TACR2: variants seen among roughly 807,000 people sequenced by gnomAD.
TACR2 encodes the protein tachykinin receptor 2, also known as substance-K receptor.
Under a neutral mutation model 28.9 loss-of-function variants are expected in TACR2, and 24 were observed. That is an observed-to-expected ratio of 0.83 (90% CI 0.60 to 1.17). The LOEUF is 1.17. Ranked by LOEUF, TACR2 falls within the 50% of genes most tolerant of loss-of-function variation. The pLI is 0.00. For missense variants in TACR2, 487 were observed against 524.4 expected (o/e 0.93, Z 0.70); for synonymous variants, 222 against 212.6 (o/e 1.04, Z -0.38).
chr10:69,404,993 G>T lies in TACR2; in HGVS notation c.1030C>A (p.Leu344Ile). 1 of 1,614,188 alleles carries T rather than the reference G, an allele frequency of 6.2e-7. No homozygotes were observed. Among genetic ancestry groups the T allele is most frequent in the Non-Finnish European group, 8.5e-7 (1 of 1,180,026 alleles). ...TGACACCTGTTGACTCTCGTGGAGA[G>T]GGAGGTCGTGGGAGTCAGCTCGAGC... Reference protein sequence around the residue: ...DKLELTPTTSLSTRVNRCHTK... With the variant: ...DKLELTPTTSISTRVNRCHTK... Residue 344 changes from leucine to isoleucine, a missense_variant, in exon 5 of 5, where the codon CTC (leucine) becomes ATC (isoleucine). By Grantham distance (5) the Leu-to-Ile change is conservative (BLOSUM62 2). Coordinates refer to ENST00000373306, the MANE Select transcript of TACR2 (RefSeq NM_001057.3).
chr10:69,408,916 GC>G lies in TACR2; in HGVS notation c.741+5del. 1 of 1,328,052 alleles carries G rather than the reference GC, an allele frequency of 7.5e-7. No homozygotes were observed. Among genetic ancestry groups the G allele is most frequent in the Non-Finnish European group, 9.8e-7 (1 of 1,020,608 alleles). 82.3% of individuals were successfully genotyped at this position (1,328,052 alleles called of 1,614,324 possible). A position where few individuals can be genotyped will look rare whatever the true frequency, so the allele number is the denominator to read the frequency against. On this transcript the variant is annotated splice_donor_5th_base_variant and intron_variant, in intron 3 of 4. Coordinates refer to ENST00000373306, the MANE Select transcript of TACR2 (RefSeq NM_001057.3). ...GCCCCCTCCAGGCCCCCGCCCCCGC[GC>G]CCACCTTCTTCATGGCCTGCAGGTG...
In TACR2 at chr10:69,416,371, C is replaced by T. The variant is rs200679495; in HGVS notation, c.-48G>A. The T allele has an allele frequency of 9.1e-6, 14 of 1,533,770 alleles. No individual in the cohort carries two copies. Among genetic ancestry groups the T allele is most frequent in the South Asian group, 5.1e-5 (4 of 78,056 alleles). On this transcript the variant is annotated 5_prime_UTR_variant, in exon 1 of 5. Transcript: ENST00000373306. Reference sequence around the variant, plus strand: ...AAGGACCTGGCTCCTCGGCTCCTCTCGGATTTGCTATGAAAGAGAACTCCC... The same window carrying T: ...AAGGACCTGGCTCCTCGGCTCCTCTTGGATTTGCTATGAAAGAGAACTCCC...
At position 69,409,890 on chromosome 10, in the gene TACR2, C is replaced by T. The variant is rs12779189; in HGVS notation, c.588-815G>A. 7.8e-3 allele frequency among the ~76,000 whole-genome samples: 273 copies of T among 35,080 alleles called. 4 individuals are homozygous for T. Among genetic ancestry groups the T allele is most frequent in the African/African-American group, 0.036 (230 of 6,408 alleles). The allele number at this position is 35,080 out of a possible 152,430, so 23.0% of individuals were successfully genotyped here. A position where few individuals can be genotyped will look rare whatever the true frequency, so the allele number is the denominator to read the frequency against. On this transcript the variant is annotated intron_variant, in intron 2 of 4. Coordinates refer to ENST00000373306, the MANE Select transcript of TACR2 (RefSeq NM_001057.3). ...GTATATATATATATATACATATATACATATATATATATACATATATATATA... is the reference window on the plus strand; with the variant it reads ...GTATATATATATATATACATATATATATATATATATATACATATATATATA...
At chr10:69,413,156 A>G (rs1221047970) in intron 2 of TACR2, among the ~76,000 whole-genome samples, 2 of 152,098 alleles carry the variant, frequency 1.3e-5, no homozygotes, top group Admixed American at 6.6e-5. Flanking sequence ...GGGCATCTTT[A>G]ATTTCATCAG....
chr10:69,404,114 A>G lies in TACR2; in HGVS notation c.*712T>C, dbSNP rs1564579070. The G allele has an allele frequency of 6.6e-6, 1 of 152,204 alleles. No homozygotes were observed. The highest frequency in any genetic ancestry group is 1.5e-5 in the Non-Finnish European group (1 of 68,044). 9.4% of individuals were successfully genotyped at this position (152,204 alleles called of 1,614,324 possible). ...AGTTGCCTTTTATCATCACATTTGC[A>G]GTTTTTCTTTTATACATATTCTTGT... On this transcript the variant is annotated 3_prime_UTR_variant, in exon 5 of 5. Coordinates refer to ENST00000373306, the MANE Select transcript of TACR2 (RefSeq NM_001057.3).
Position 69,404,935 on chromosome 10 carries a change from G to A in TACR2, c.1088C>T (p.Thr363Ile), listed in dbSNP as rs1178370134. 6.2e-7 allele frequency: 1 copy of A among 1,614,190 alleles called. No individual in the cohort carries two copies. The highest frequency in any genetic ancestry group is 1.7e-5 in the Admixed American group (1 of 60,024). The change falls in exon 5 of 5, where the codon ACA becomes ATA. Residue 363 changes from threonine to isoleucine, a missense_variant. By Grantham distance (89) the Thr-to-Ile change is moderately conservative. Coordinates refer to ENST00000373306, the MANE Select transcript of TACR2 (RefSeq NM_001057.3). ...TKETLFMAGD[T>I]APSEATSGEA... ...CCCACTGGTAGCCTCGGAGGGGGCTGTGTCCCCAGCCATGAACAAAGTCTC... is the reference window on the plus strand; with the variant it reads ...CCCACTGGTAGCCTCGGAGGGGGCTATGTCCCCAGCCATGAACAAAGTCTC...
chr10:69,416,096 C>G lies in TACR2; in HGVS notation c.228G>C (p.Ala76=), dbSNP rs147969214. Residue 76 remains alanine, a synonymous_variant, in exon 1 of 5, where the codon GCG becomes GCC. Coordinates refer to ENST00000373306, the MANE Select transcript of TACR2 (RefSeq NM_001057.3). ...AGGCAGCCATGCAGAGGTCAGCCAG[C>G]GCCAGATTGACGATGAAGTAGTTGG... ...TVTNYFIVNL[A]LADLCMAAFN... 24 of 1,614,080 alleles carry G rather than the reference C, an allele frequency of 1.5e-5. No individual in the cohort carries two copies. The highest frequency in any genetic ancestry group is 1.1e-4 in the South Asian group (10 of 91,082).
chr10:69,410,072 G>C (rs117706632), intron 2 of TACR2, among the ~76,000 whole-genome samples: 1 of 151,842 alleles, frequency 6.6e-6, no homozygotes, highest in South Asian at 2.1e-4. Context: ...TCTGCTTATG[G>C]TTTATCAGCA....
intron 4 of TACR2, among the ~76,000 whole-genome samples, chr10:69,405,957 C>T (rs1840498623): frequency 6.6e-6 from 1 of 152,200 alleles, no homozygotes; most frequent in South Asian, 2.1e-4. Flanking sequence ...TTGGGAGCAT[C>T]TTACTTTCTG....
At chr10:69,413,313 G>A (rs556243716) in intron 2 of TACR2, among the ~76,000 whole-genome samples, 2 of 152,238 alleles carry the variant, frequency 1.3e-5, no homozygotes, top group South Asian at 4.2e-4. Context: ...CAACACCAAA[G>A]TATGGCTTTC....
At chr10:69,412,274 C>A (rs1419158423) in intron 2 of TACR2, among the ~76,000 whole-genome samples, 1 of 152,176 alleles carries the variant, frequency 6.6e-6, no homozygotes, top group Admixed American at 6.5e-5. Flanking sequence ...TCCAGTAAAT[C>A]TCTCTCCTAA....
At chr10:69,405,198 T>C (rs928549872) in intron 4 of TACR2, 114 bp from the exon 5 acceptor site, 9 of 823,828 alleles carry the variant, frequency 1.1e-5, no homozygotes, top group Non-Finnish European at 1.3e-5. Context: ...ACTGTCTCTC[T>C]CCAAGAGCCT....
At chr10:69,408,081 G>T (rs576242456) in intron 3 of TACR2, among the ~76,000 whole-genome samples, 3 of 152,334 alleles carry the variant, frequency 2.0e-5, no homozygotes, top group South Asian at 2.1e-4. Context: ...TAGGAAGGGG[G>T]CAAGGACAAG....
chr10:69,409,610 A>G (rs954650518), intron 2 of TACR2, among the ~76,000 whole-genome samples: 2 of 152,018 alleles, frequency 1.3e-5, no homozygotes, highest in African/African-American at 4.8e-5. Flanking sequence ...TGAGAGGGAG[A>G]GACCTCATTC....
intron 1 of TACR2, 50 bp from the exon 2 acceptor site, chr10:69,415,189 C>G (rs747012587): frequency 1.3e-6 from 2 of 1,563,734 alleles, no homozygotes; most frequent in South Asian, 2.4e-5. Flanking sequence ...GTTAGCCCAG[C>G]TCCCTTTCCC....
chr10:69,411,704 G>A (rs573825452), intron 2 of TACR2, among the ~76,000 whole-genome samples: 1 of 152,278 alleles, frequency 6.6e-6, no homozygotes, highest in East Asian at 1.9e-4. Flanking sequence ...AAGACAGCGA[G>A]AAAACCTCAT....
intron 2 of TACR2, chr10:69,409,335 ACAC>A (rs1297759377): frequency 2.9e-6 from 1 of 350,712 alleles, no homozygotes; most frequent in Non-Finnish European, 5.1e-6. Context: ...CACGTGATAG[ACAC>A]GTGTCAAAAA....
intron 1 of TACR2, among the ~76,000 whole-genome samples, chr10:69,415,508 A>G (rs958662071): frequency 6.6e-6 from 1 of 152,240 alleles, no homozygotes; most frequent in Non-Finnish European, 1.5e-5. Context: ...AATTGGCCCT[A>G]TTAGATTGTA....
At chr10:69,414,867 A>G in intron 2 of TACR2, 78 bp downstream of exon 2, 1 of 1,466,714 alleles carries the variant, frequency 6.8e-7, no homozygotes, top group Non-Finnish European at 9.3e-7. Flanking sequence ...ACATGGATGC[A>G]TGCACGCGTG....
Sources: allele counts gnomAD v4.1 joint callset (sites outside exome capture counted in the v4.1 genomes callset), GRCh38; gene constraint gnomAD v4.1.1; transcripts MANE v1.5; gene names NCBI Gene and HGNC (gene_info 2026-07-23, HGNC 2026-07-21).